The following SAMD4B variants were observed in gnomAD, a reference collection of about 807,000 sequenced individuals.
The protein encoded by SAMD4B is protein Smaug homolog 2.
SAMD4B carries 5 observed loss-of-function variants against 74.5 expected under a neutral mutation model. The ratio of observed to expected loss-of-function variants is 0.07; its 90% CI spans 0.04 to 0.14. The LOEUF (loss-of-function observed/expected upper bound fraction) is 0.14. Ranked by LOEUF, SAMD4B falls within the 10% of genes least tolerant of loss-of-function variation. The probability of loss-of-function intolerance (pLI) is 1.00; values close to 1 mark genes in which losing one functional copy is unlikely to be tolerated. For synonymous variants in SAMD4B, 373 were observed against 374.9 expected (o/e 1.00, Z 0.06); for missense variants, 608 against 921.8 (o/e 0.66, Z 4.41).
chr19:39,385,928 A>G, downstream of SAMD4B: 1 of 1,595,958 alleles, frequency 6.3e-7, no homozygotes, highest in South Asian at 1.1e-5. Context: ...CAAACAGACC[A>G]CTAGAAAAGT....
At chr19:39,388,365 C>T, downstream of SAMD4B, 1 of 1,614,024 alleles carries the variant, frequency 6.2e-7, no homozygotes, top group Non-Finnish European at 8.5e-7. Context: ...TGTAGTAAAC[C>T]CCGTCACCCT....
At chr19:39,343,442 CA>C (rs2075457830) in intron 1 of SAMD4B, among the ~76,000 whole-genome samples, 1 of 151,486 alleles carries the variant, frequency 6.6e-6, no homozygotes, top group Non-Finnish European at 1.5e-5. Context: ...CCCCAGATCC[CA>C]AAAACTCACC....
At chr19:39,345,286 C>T (rs1274129019) in intron 1 of SAMD4B, among the ~76,000 whole-genome samples, 1 of 152,228 alleles carries the variant, frequency 6.6e-6, no homozygotes, top group African/African-American at 2.4e-5. Flanking sequence ...TACCCATCCT[C>T]CAGAAAGATT....
chr19:39,381,724 G>A (rs1176986098), intron 12 of SAMD4B, among the ~76,000 whole-genome samples: 2 of 152,080 alleles, frequency 1.3e-5, no homozygotes, highest in Admixed American at 6.6e-5. Context: ...CAAGTAGATC[G>A]GTTTGAGACC....
At chr19:39,389,241 C>T (rs769559276), downstream of SAMD4B, 1 of 1,606,908 alleles carries the variant, frequency 6.2e-7, no homozygotes, top group African/African-American at 1.3e-5. The surrounding 1 kb of genome is among the most constrained non-coding windows in gnomAD (Gnocchi z 5.3). Context: ...CTGGACACAC[C>T]TAATATCTCC....
intron 7 of SAMD4B, 73 bp from the exon 8 acceptor site, chr19:39,377,412 C>A: frequency 2.3e-6 from 3 of 1,329,920 alleles, no homozygotes; most frequent in South Asian, 2.9e-5. Context: ...CCCTGTCTGA[C>A]TCTCTGTGTA....
intron 1 of SAMD4B, among the ~76,000 whole-genome samples, chr19:39,353,438 C>G (rs995241085): frequency 6.6e-6 from 1 of 152,012 alleles, no homozygotes; most frequent in South Asian, 2.1e-4. Flanking sequence ...TACATTTATA[C>G]ACATATAGAC....
Position 39,376,439 on chromosome 19 carries a change from G to T in SAMD4B, c.910G>T (p.Val304Leu). 1 of 1,610,864 alleles carries T rather than the reference G, an allele frequency of 6.2e-7. No homozygotes were observed. Residue 304 changes from valine to leucine, a missense_variant and splice_region_variant, in exon 6 of 14, where the codon GTG (valine) becomes TTG (leucine). Physicochemically the swap from Val to Leu is conservative, Grantham distance 32. Coordinates refer to ENST00000610417, the MANE Select transcript of SAMD4B (RefSeq NM_001384574.2). Reference protein sequence around the residue: ...FQEDGSGMKDVPSWLKSLRLH... With the variant: ...FQEDGSGMKDLPSWLKSLRLH... ...TCACTCTCCCTCCTTTGCCAAAGATGTGCCCTCATGGCTCAAGAGCCTCCG... is the reference window on the plus strand; with the variant it reads ...TCACTCTCCCTCCTTTGCCAAAGATTTGCCCTCATGGCTCAAGAGCCTCCG...
chr19:39,365,767 C>G (rs1019336964), intron 3 of SAMD4B, among the ~76,000 whole-genome samples: 2 of 152,218 alleles, frequency 1.3e-5, no homozygotes, highest in Non-Finnish European at 2.9e-5. Context: ...AAACAGTATC[C>G]TTCATTCTGA....
In SAMD4B at chr19:39,385,175, C is replaced by G. The variant is rs1205611455; in HGVS notation, c.*1648C>G. On this transcript the variant is annotated 3_prime_UTR_variant, in exon 14 of 14. Transcript: ENST00000610417. ...CCTATGCAAGTCCCCCACCCCGGCC[C>G]TCCATGTTTCTGTGCCTTTGCTCAT... 1.1e-5 allele frequency: 2 copies of G among 185,966 alleles called. No individual in the cohort carries two copies. The highest frequency in any genetic ancestry group is 2.2e-5 in the Non-Finnish European group (2 of 90,880). 11.5% of individuals were successfully genotyped at this position (185,966 alleles called of 1,614,324 possible). A position where few individuals can be genotyped will look rare whatever the true frequency, so the allele number is the denominator to read the frequency against.
chr19:39,388,428 C>G, downstream of SAMD4B: 1 of 1,614,172 alleles, frequency 6.2e-7, no homozygotes, highest in Non-Finnish European at 8.5e-7. Context: ...CTTTGTTCTT[C>G]ACGTTCCAGT....
chr19:39,381,197 T>A, intron 12 of SAMD4B, 84 bp downstream of exon 12: 1 of 1,476,826 alleles, frequency 6.8e-7, no homozygotes, highest in Non-Finnish European at 9.1e-7. Flanking sequence ...ATGTCCACTG[T>A]TCTTCTAGAC....
Position 39,377,687 on chromosome 19 carries a change from C to T in SAMD4B, c.1307C>T (p.Thr436Ile). 1 of 1,614,224 alleles carries T rather than the reference C, an allele frequency of 6.2e-7. No individual in the cohort carries two copies. Among genetic ancestry groups the T allele is most frequent in the Non-Finnish European group, 8.5e-7 (1 of 1,180,028 alleles). ...PLAHPGTDKG[T>I]EAKDPPAVEN... ...GCCCACCCCGGCACAGACAAAGGCA[C>T]CGAGGCCAAGGACCCTCCAGCTGTG... The change falls in exon 8 of 14, where the codon ACC (threonine) becomes ATC (isoleucine). Residue 436 changes from threonine (T) to isoleucine (I), a missense_variant. By Grantham distance (89) the Thr-to-Ile change is moderately conservative (BLOSUM62 -1). Transcript: ENST00000610417.
downstream of SAMD4B, chr19:39,386,866 GC>G (rs1030586450): frequency 3.8e-6 from 4 of 1,052,996 alleles, no homozygotes; most frequent in African/African-American, 3.1e-5. This position sits in a 1 kb window ranked among gnomAD's most constrained non-coding sequence, Gnocchi z 6.1. Context: ...CCACTTCCCC[GC>G]CCCCCAGTGA....
intron 1 of SAMD4B, among the ~76,000 whole-genome samples, chr19:39,345,768 G>A (rs539424493): frequency 6.6e-6 from 1 of 152,320 alleles, no homozygotes; most frequent in African/African-American, 2.4e-5. Flanking sequence ...AGAATAAGCA[G>A]CTCTTCCTTC....
rs2077859971 is a variant in SAMD4B, at chr19:39,380,010, G to A, written c.1575G>A (p.Gln525=). The A allele has an allele frequency of 1.2e-6, 2 of 1,614,036 alleles. No individual in the cohort carries two copies. The highest frequency in any genetic ancestry group is 1.7e-6 in the Non-Finnish European group (2 of 1,179,962). Residue 525 remains glutamine (Q), a synonymous_variant, in exon 10 of 14, where the codon CAG becomes CAA. Coordinates refer to ENST00000610417, the MANE Select transcript of SAMD4B (RefSeq NM_001384574.2). The part of the protein sequence containing the change: ...TQKKRLLSWK[Q]QVLKLLRTFP... The stretch of plus-strand genomic sequence containing the variant: ...AGAAACGGCTGCTATCCTGGAAACA[G>A]CAAGTGCTGAAGCTCCTCCGGACAT...
intron 9 of SAMD4B, among the ~76,000 whole-genome samples, chr19:39,379,188 A>T (rs1401707122): frequency 2.0e-5 from 3 of 151,856 alleles, no homozygotes; most frequent in African/African-American, 7.3e-5. Context: ...TCTTTTTTAG[A>T]GATGGAGTAT....
chr19:39,388,830 G>A, downstream of SAMD4B: 1 of 1,614,182 alleles, frequency 6.2e-7, no homozygotes, highest in Non-Finnish European at 8.5e-7. Context: ...CTGGGTCTGA[G>A]TCAAAGATCA....
At position 39,375,605 on chromosome 19, in the gene SAMD4B, T is replaced by G. The variant is rs75754418; in HGVS notation, c.668-45T>G. The G allele has an allele frequency of 0.013, 20,022 of 1,578,606 alleles. 603 individuals carry two copies. Among genetic ancestry groups the G allele is most frequent in the African/African-American group, 0.096 (7,115 of 74,190 alleles). ...CGGCAGGGGGATGGTCTCCTGTGGT[T>G]GGGTCCCCAGGTCTAATATTTTGCT... On this transcript the variant is annotated intron_variant, in intron 4 of 13. Coordinates refer to ENST00000610417, the MANE Select transcript of SAMD4B (RefSeq NM_001384574.2). This position sits in a 1 kb window ranked among gnomAD's most constrained non-coding sequence, Gnocchi z 4.1.
Sources: gnomAD v4.1 joint callset for allele counts (sites outside exome capture counted in the v4.1 genomes callset) on GRCh38, gnomAD v4.1.1 for gene constraint, Gnocchi (gnomAD v3.1) non-coding constraint, MANE v1.5 for transcripts, NCBI Gene and HGNC (gene_info 2026-07-23, HGNC 2026-07-21) for gene names.